Variants in UXS1 observed in about 807,000 individuals in gnomAD.
UXS1 encodes the protein UDP-glucuronic acid decarboxylase 1.
Under a neutral mutation model 62.6 loss-of-function variants are expected in UXS1, and 33 were observed. The ratio of observed to expected loss-of-function variants is 0.53; its 90% CI spans 0.40 to 0.70. The LOEUF (loss-of-function observed/expected upper bound fraction) is 0.70. UXS1 is among the 30% of genes least tolerant of loss of function. UXS1 has a pLI of 0.00. For synonymous variants in UXS1, 213 were observed against 206.8 expected, an observed-to-expected ratio of 1.03 and a Z score of -0.26; for missense variants, 434 against 556.3, an observed-to-expected ratio of 0.78 and a Z score of 2.21.
At chr2:106,106,060 G>A (rs1438058288) in intron 10 of UXS1, among the ~76,000 whole-genome samples, 1 of 152,142 alleles carries the variant, frequency 6.6e-6, no homozygotes, top group African/African-American at 2.4e-5. Flanking sequence ...GAAGGATCAG[G>A]TGGAGAAGAA....
chr2:106,162,662 A>G (rs2105055230), intron 4 of UXS1, among the ~76,000 whole-genome samples: 1 of 152,370 alleles, frequency 6.6e-6, no homozygotes, highest in African/African-American at 2.4e-5. Context: ...CATGGCAAAA[A>G]AAATTTAAAG....
chr2:106,129,183 T>G (rs996515890), intron 7 of UXS1, among the ~76,000 whole-genome samples: 6 of 152,170 alleles, frequency 3.9e-5, no homozygotes, highest in African/African-American at 1.4e-4. Context: ...AGGTACTCAG[T>G]CTTGATAACA....
intron 1 of UXS1, among the ~76,000 whole-genome samples, chr2:106,190,896 AGGAGCT>A (rs1163715820): frequency 3.3e-5 from 5 of 152,170 alleles, no homozygotes; most frequent in African/African-American, 1.2e-4. Context: ...CAGTCTGCCC[AGGAGCT>A]ACCTAGTAGG....
chr2:106,108,772 A>G (rs1287821364), intron 10 of UXS1, among the ~76,000 whole-genome samples: 1 of 152,184 alleles, frequency 6.6e-6, no homozygotes, highest in Non-Finnish European at 1.5e-5. Flanking sequence ...ATGATCACTT[A>G]GCAATGTCCC....
intron 11 of UXS1, among the ~76,000 whole-genome samples, chr2:106,103,364 C>T (rs1031026796): frequency 2.6e-4 from 40 of 152,274 alleles, no homozygotes; most frequent in African/African-American, 3.4e-4. Flanking sequence ...GAAGCCTGGG[C>T]GCCACTGGTG....
chr2:106,161,480 C>T (rs764223937), intron 4 of UXS1, among the ~76,000 whole-genome samples: 15 of 152,132 alleles, frequency 9.9e-5, no homozygotes, highest in Non-Finnish European at 1.8e-4. Flanking sequence ...TTCCATTAAG[C>T]TCCGTTCTAC....
chr2:106,174,348 C>T (rs754421832), intron 1 of UXS1, among the ~76,000 whole-genome samples: 16 of 152,132 alleles, frequency 1.1e-4, no homozygotes, highest in Non-Finnish European at 2.2e-4. Flanking sequence ...CTGGAAGCAG[C>T]GGTGTGAGAG....
At chr2:106,193,976 G>C (rs1195382042) in intron 1 of UXS1, among the ~76,000 whole-genome samples, 172 bp downstream of exon 1, 1 of 151,882 alleles carries the variant, frequency 6.6e-6, no homozygotes, top group African/African-American at 2.4e-5. Context: ...AAGTTGGCCC[G>C]CTTTGCTGCA....
intron 13 of UXS1, 88 bp from the exon 14 acceptor site, chr2:106,096,909 A>G (rs753983763): frequency 1.3e-5 from 17 of 1,295,370 alleles, no homozygotes; most frequent in East Asian, 2.5e-5. Flanking sequence ...GGCAAACCCC[A>G]TATGTGGTGT....
At chr2:106,189,827 T>C (rs1169284810) in intron 1 of UXS1, among the ~76,000 whole-genome samples, 1 of 152,198 alleles carries the variant, frequency 6.6e-6, no homozygotes, top group East Asian at 1.9e-4. Flanking sequence ...CTATCAGACA[T>C]GAAGGCAGAA....
At chr2:106,147,640 C>T (rs1016481886) in intron 5 of UXS1, among the ~76,000 whole-genome samples, 8 of 152,188 alleles carry the variant, frequency 5.3e-5, no homozygotes, top group African/African-American at 9.6e-5. Flanking sequence ...TGAGCCCCCA[C>T]TTCAAAATAG....
chr2:106,178,205 G>A (rs1325761059), intron 1 of UXS1, among the ~76,000 whole-genome samples: 42 of 152,192 alleles, frequency 2.8e-4, no homozygotes, highest in Admixed American at 2.2e-3. Flanking sequence ...ACCTCCTTCC[G>A]GGCCCTTCTG....
intron 6 of UXS1, among the ~76,000 whole-genome samples, chr2:106,140,364 T>C (rs1330821529): frequency 1.3e-5 from 2 of 152,250 alleles, no homozygotes; most frequent in Non-Finnish European, 2.9e-5. Context: ...TGCAGTTTTA[T>C]TTACATTTGC....
chr2:106,170,986 G>C (rs937581255), intron 1 of UXS1, among the ~76,000 whole-genome samples: 1 of 152,176 alleles, frequency 6.6e-6, no homozygotes, highest in African/African-American at 2.4e-5. Context: ...ATTAAGTAAA[G>C]TAAGTATTTT....
At position 106,178,591 on chromosome 2, in the gene UXS1, CATGT is replaced by C. The variant is rs1684044923; in HGVS notation, c.95-12512_95-12509del. On this transcript the variant is annotated intron_variant, in intron 1 of 14. Transcript: ENST00000283148. ...GTGTATATATATATGTGTATATGTA[CATGT>C]ATGTGTGTGTATATATGTGTGTGTG... Among the ~76,000 whole-genome samples, 7 of 151,338 alleles carry C rather than the reference CATGT, an allele frequency of 4.6e-5. No individual in the cohort carries two copies. In the South Asian group the frequency reaches 8.3e-4, roughly 18 times the overall value.
intron 7 of UXS1, 145 bp downstream of exon 7, chr2:106,129,529 A>C (rs1479312377): frequency 1.4e-6 from 1 of 719,136 alleles, no homozygotes; most frequent in Non-Finnish European, 2.4e-6. Context: ...TAACACTGCA[A>C]AACTGCCAAA....
chr2:106,174,875 C>T (rs571206490), intron 1 of UXS1, among the ~76,000 whole-genome samples: 2 of 152,202 alleles, frequency 1.3e-5, no homozygotes, highest in Non-Finnish European at 2.9e-5. Flanking sequence ...CCTGGGCCAC[C>T]CTTCCAAAAG....
intron 1 of UXS1, among the ~76,000 whole-genome samples, chr2:106,186,870 G>A (rs1383215029): frequency 6.6e-6 from 1 of 151,796 alleles, no homozygotes; most frequent in Non-Finnish European, 1.5e-5. Flanking sequence ...AGTCATTTAT[G>A]GTACAATGGG....
At chr2:106,157,666 T>C (rs1026972241) in intron 5 of UXS1, among the ~76,000 whole-genome samples, 1 of 152,228 alleles carries the variant, frequency 6.6e-6, no homozygotes, top group Non-Finnish European at 1.5e-5. Context: ...GGTACACCCA[T>C]ACAATGGAGC....
Sources: gnomAD v4.1 joint callset for allele counts (sites outside exome capture counted in the v4.1 genomes callset) on GRCh38, gnomAD v4.1.1 for gene constraint, MANE v1.5 for transcripts, NCBI Gene and HGNC (gene_info 2026-07-23, HGNC 2026-07-21) for gene names.